HS3ST5: variants seen among roughly 807,000 people sequenced by gnomAD.
The protein encoded by HS3ST5 is heparan sulfate-glucosamine 3-sulfotransferase 5.
A neutral mutation model predicts 25.4 loss-of-function variants in HS3ST5; 10 were observed. The ratio of observed to expected loss-of-function variants is 0.39; its 90% CI spans 0.24 to 0.67. HS3ST5 has a LOEUF of 0.67. Among genes scored for constraint, HS3ST5 ranks in the 30% least tolerant of loss-of-function variants. HS3ST5 has a pLI of 0.44. For synonymous variants in HS3ST5, 170 were observed against 162.4 expected (o/e 1.05, Z -0.36); for missense variants, 324 against 420.7 (o/e 0.77, Z 2.01).
At chr6:114,152,213 T>C (rs1008477069) in intron 3 of HS3ST5, among the ~76,000 whole-genome samples, 3 of 152,138 alleles carry the variant, frequency 2.0e-5, no homozygotes, top group South Asian at 4.1e-4. Flanking sequence ...TGAGCCACCG[T>C]GCCAGGCCAT....
At chr6:114,240,109 C>G (rs540186907) in intron 1 of HS3ST5, among the ~76,000 whole-genome samples, 168 of 152,222 alleles carry the variant, frequency 1.1e-3, no homozygotes, top group African/African-American at 3.8e-3. Context: ...AACGAAGGCT[C>G]TCCCTTTTCA....
In HS3ST5 at chr6:114,108,971, T is replaced by C. The variant is rs554292541; in HGVS notation, c.-32-46094A>G. Among the ~76,000 whole-genome samples, 9 of 152,274 alleles carry C rather than the reference T, an allele frequency of 5.9e-5. No individual in the cohort carries two copies. The East Asian group carries it at 1.4e-3, about 23-fold the overall frequency. ...TGAGCTCAGGAGTTGGAGACCAGCC[T>C]GGGCAACATGGCAAAACCCCATCTC... On this transcript the variant is annotated intron_variant, in intron 3 of 4. Coordinates refer to ENST00000312719, the MANE Select transcript of HS3ST5 (RefSeq NM_153612.4).
chr6:114,282,667 C>G lies in HS3ST5; in HGVS notation c.-338-53889G>C, dbSNP rs1056222602. ...TTGGCCCACTGAGGTGCACTTGGAACTGTTCTTTTTCCACAAATTTGATTT... is the reference window on the plus strand; with the variant it reads ...TTGGCCCACTGAGGTGCACTTGGAAGTGTTCTTTTTCCACAAATTTGATTT... On this transcript the variant is annotated intron_variant, in intron 1 of 4. Coordinates refer to ENST00000312719, the MANE Select transcript of HS3ST5 (RefSeq NM_153612.4). Among the ~76,000 whole-genome samples the G allele has an allele frequency of 5.3e-5, 8 of 151,974 alleles. No individual in the cohort carries two copies. The East Asian group carries it at 1.4e-3, about 26-fold the overall frequency.
intron 2 of HS3ST5, among the ~76,000 whole-genome samples, chr6:114,176,421 A>T (rs1779725143): frequency 1.3e-5 from 2 of 152,228 alleles, no homozygotes; most frequent in African/African-American, 4.8e-5. Flanking sequence ...TGTCGAAAAT[A>T]AAAATGGGTA....
In HS3ST5 at chr6:114,055,897, C is replaced by T. The variant is rs1015585851; in HGVS notation, c.*1360G>A. ...CAGTGTATCTGATGTTAGCGAGGCA[C>T]CAATTTAGCATTAATTTCTCTGGAT... On this transcript the variant is annotated 3_prime_UTR_variant, in exon 5 of 5. Coordinates refer to ENST00000312719, the MANE Select transcript of HS3ST5 (RefSeq NM_153612.4). The T allele has an allele frequency of 6.6e-6, 1 of 152,160 alleles. No homozygotes were observed. The highest frequency in any genetic ancestry group is 1.5e-5 in the Non-Finnish European group (1 of 68,040). The allele number at this position is 152,160 out of a possible 1,614,324, so 9.4% of individuals were successfully genotyped here.
intron 3 of HS3ST5, chr6:114,143,667 C>T (rs1417432286): frequency 1.3e-5 from 2 of 152,140 alleles, no homozygotes; most frequent in African/African-American, 4.8e-5. Flanking sequence ...ACATGGGTCA[C>T]ACAAGGACAG....
intron 1 of HS3ST5, among the ~76,000 whole-genome samples, chr6:114,320,921 T>A (rs915026431): frequency 1.7e-4 from 19 of 109,376 alleles, no homozygotes; most frequent in Admixed American, 1.4e-3. Context: ...TCTCTATATA[T>A]ATATATATAT....
chr6:114,146,100 A>G (rs923609838), intron 3 of HS3ST5, among the ~76,000 whole-genome samples: 4 of 152,132 alleles, frequency 2.6e-5, no homozygotes, highest in African/African-American at 7.2e-5. Flanking sequence ...TACTAAAATT[A>G]AAAAAAATTA....
intron 1 of HS3ST5, among the ~76,000 whole-genome samples, chr6:114,234,608 T>C (rs1771767667): frequency 6.6e-6 from 1 of 152,108 alleles, no homozygotes; most frequent in African/African-American, 2.4e-5. Context: ...CTTCTGTATA[T>C]AAATAAAAAA....
chr6:114,121,383 T>C (rs1014684399), intron 3 of HS3ST5, among the ~76,000 whole-genome samples: 4 of 152,214 alleles, frequency 2.6e-5, no homozygotes, highest in African/African-American at 7.2e-5. Flanking sequence ...CAGAGTTCTT[T>C]CTGTAATGCA....
chr6:114,082,695 A>T (rs978612869), intron 3 of HS3ST5, among the ~76,000 whole-genome samples: 1 of 152,190 alleles, frequency 6.6e-6, no homozygotes, highest in Non-Finnish European at 1.5e-5. Flanking sequence ...TCAATATGTC[A>T]GTATGTTCAA....
chr6:114,145,173 G>A (rs1221500684), intron 3 of HS3ST5, among the ~76,000 whole-genome samples: 1 of 152,140 alleles, frequency 6.6e-6, no homozygotes, highest in Non-Finnish European at 1.5e-5. Flanking sequence ...TACAAGCCCC[G>A]GAGGCAGGGC....
intron 1 of HS3ST5, among the ~76,000 whole-genome samples, chr6:114,241,386 T>C (rs886704387): frequency 6.6e-6 from 1 of 152,226 alleles, no homozygotes; most frequent in African/African-American, 2.4e-5. Flanking sequence ...TCTCTGCTTC[T>C]GTTAGTCCTT....
chr6:114,144,842 A>T (rs540571230), intron 3 of HS3ST5, among the ~76,000 whole-genome samples: 1 of 152,330 alleles, frequency 6.6e-6, no homozygotes, highest in South Asian at 2.1e-4. Flanking sequence ...TAACGTTTGT[A>T]TAGCTCCTGT....
intron 3 of HS3ST5, among the ~76,000 whole-genome samples, chr6:114,161,811 A>G (rs1190064789): frequency 6.6e-6 from 1 of 151,510 alleles, no homozygotes. Context: ...CTTGGAAAGT[A>G]ACGTAATTAT....
intron 3 of HS3ST5, among the ~76,000 whole-genome samples, chr6:114,074,763 C>T (rs1774021466): frequency 6.6e-6 from 1 of 152,010 alleles, no homozygotes. Context: ...AGCAAAAGTA[C>T]AGCTAAAAAT....
At chr6:114,282,393 G>A (rs144279894) in intron 1 of HS3ST5, among the ~76,000 whole-genome samples, 87 of 152,010 alleles carry the variant, frequency 5.7e-4, no homozygotes, top group Admixed American at 2.2e-3. Context: ...CCAGAGAATT[G>A]ACTTTATAAT....
chr6:114,316,237 AGTCT>A (rs1412463205), intron 1 of HS3ST5, among the ~76,000 whole-genome samples: 6 of 152,346 alleles, frequency 3.9e-5, no homozygotes, highest in Admixed American at 6.5e-5. Context: ...GTATTTTAGT[AGTCT>A]GTCTGTGTAT....
intron 2 of HS3ST5, among the ~76,000 whole-genome samples, chr6:114,214,482 G>C (rs188646506): frequency 6.6e-6 from 1 of 152,248 alleles, no homozygotes; most frequent in East Asian, 1.9e-4. Flanking sequence ...ATTTGGACAT[G>C]TATATTTCCT....
Sources: allele counts gnomAD v4.1 joint callset (sites outside exome capture counted in the v4.1 genomes callset), GRCh38; gene constraint gnomAD v4.1.1; transcripts MANE v1.5; gene names NCBI Gene and HGNC (gene_info 2026-07-23, HGNC 2026-07-21).